The following PREP variants were observed in gnomAD, a reference collection of about 807,000 sequenced individuals.
PREP encodes the protein dJ355L5.1 (prolyl endopeptidase).
In PREP, 29 loss-of-function variants were observed where a neutral mutation model predicts 87.6. The observed-to-expected ratio is 0.33, with a 90% CI of 0.25 to 0.45. PREP has a LOEUF of 0.45. PREP is among the 20% of genes least tolerant of loss of function. The pLI is 1.00. For missense variants in PREP, 695 were observed against 886.5 expected, an observed-to-expected ratio of 0.78 and a Z score of 2.74; for synonymous variants, 337 against 328.6, an observed-to-expected ratio of 1.03 and a Z score of -0.28.
At chr6:105,367,596 C>T (rs1772419771) in intron 6 of PREP, among the ~76,000 whole-genome samples, 2 of 148,622 alleles carry the variant, frequency 1.3e-5, no homozygotes, top group Non-Finnish European at 1.5e-5. Context: ...GGCGTGAACC[C>T]GGGAGGCAGA....
intron 7 of PREP, among the ~76,000 whole-genome samples, chr6:105,335,664 G>T (rs560556338): frequency 6.6e-6 from 1 of 152,076 alleles, no homozygotes. Flanking sequence ...GGACAAAGCC[G>T]GAAGACCATG....
chr6:105,349,202 A>T (rs908966209), intron 7 of PREP, among the ~76,000 whole-genome samples: 1 of 152,230 alleles, frequency 6.6e-6, no homozygotes, highest in Non-Finnish European at 1.5e-5. Flanking sequence ...TGTGATCCAC[A>T]GCTTGCAACA....
At chr6:105,345,376 CT>C (rs112336861) in intron 7 of PREP, among the ~76,000 whole-genome samples, 48 of 152,092 alleles carry the variant, frequency 3.2e-4, no homozygotes, top group African/African-American at 1.1e-3. Context: ...GTTAAAATTA[CT>C]TTTTATAAAC....
intron 7 of PREP, among the ~76,000 whole-genome samples, chr6:105,341,499 C>A (rs558637984): frequency 1.3e-5 from 2 of 152,070 alleles, no homozygotes; most frequent in Admixed American, 1.3e-4. Flanking sequence ...AGAGCAAACA[C>A]ATTCAAAAGC....
At chr6:105,333,593 T>C in intron 7 of PREP, 88 bp from the exon 8 acceptor site, 1 of 1,299,206 alleles carries the variant, frequency 7.7e-7, no homozygotes, top group Non-Finnish European at 1.1e-6. Flanking sequence ...TGGATCTTTC[T>C]TATCCTCAAA....
chr6:105,383,784 T>C (rs1772913523), intron 2 of PREP, among the ~76,000 whole-genome samples: 1 of 152,150 alleles, frequency 6.6e-6, no homozygotes, highest in Non-Finnish European at 1.5e-5. Flanking sequence ...TTCTCAATAC[T>C]CGTCATGACC....
At chr6:105,322,549 T>G in intron 10 of PREP, 1 of 986,568 alleles carries the variant, frequency 1.0e-6, no homozygotes, top group Non-Finnish European at 1.2e-6. Context: ...TTTACATAGA[T>G]GAAGATTCTG....
chr6:105,276,569 A>G lies in PREP; in HGVS notation c.*1575T>C, dbSNP rs1296020137. Reference sequence around the variant, plus strand: ...AGTTACACCAAAGCTAGCTAGTATCAGTATCTGAGTAGATGGTGATGACGA... The same window carrying G: ...AGTTACACCAAAGCTAGCTAGTATCGGTATCTGAGTAGATGGTGATGACGA... On this transcript the variant is annotated 3_prime_UTR_variant, in exon 15 of 15. Transcript: ENST00000652536. Among the ~76,000 whole-genome samples, 1 of 152,226 alleles carries G rather than the reference A, an allele frequency of 6.6e-6. No individual in the cohort carries two copies. Among genetic ancestry groups the G allele is most frequent in the Non-Finnish European group, 1.5e-5 (1 of 68,042 alleles).
At chr6:105,370,265 G>A (rs2114705089) in intron 5 of PREP, among the ~76,000 whole-genome samples, 1 of 147,234 alleles carries the variant, frequency 6.8e-6, no homozygotes, top group Non-Finnish European at 1.5e-5. Flanking sequence ...AGCTGGGCGT[G>A]GCGCTAACTA....
intron 8 of PREP, among the ~76,000 whole-genome samples, chr6:105,331,355 T>G (rs1771329968): frequency 6.6e-6 from 1 of 152,204 alleles, no homozygotes; most frequent in Non-Finnish European, 1.5e-5. Context: ...TTTCATTACA[T>G]CTATAAGATG....
rs929660496 is a variant in PREP, at chr6:105,281,618, C to T, written c.1838+128G>A. ...GAAAGACAAGTAGGTAGTCCCATCTCCTCTCCAGCAGATTATATGCAAATG... is the reference window on the plus strand; with the variant it reads ...GAAAGACAAGTAGGTAGTCCCATCTTCTCTCCAGCAGATTATATGCAAATG... On this transcript the variant is annotated intron_variant, in intron 14 of 14. Coordinates refer to ENST00000652536, the MANE Select transcript of PREP (RefSeq NM_002726.5). 2.2e-5 allele frequency: 26 copies of T among 1,157,306 alleles called. No homozygotes were observed. In the South Asian group the frequency reaches 4.4e-4, roughly 19 times the overall value. The allele number at this position is 1,157,306 out of a possible 1,614,324, so 71.7% of individuals were successfully genotyped here.
At chr6:105,285,417 C>A in intron 12 of PREP, 69 bp downstream of exon 12, 1 of 1,488,672 alleles carries the variant, frequency 6.7e-7, no homozygotes, top group Non-Finnish European at 9.4e-7. Context: ...CTCATTCAAA[C>A]AGGAAGGATC....
intron 2 of PREP, among the ~76,000 whole-genome samples, chr6:105,396,786 T>G (rs957001511): frequency 6.6e-6 from 1 of 152,108 alleles, no homozygotes; most frequent in African/African-American, 2.4e-5. Context: ...AAATATGTAC[T>G]AAGTATTATG....
intron 7 of PREP, among the ~76,000 whole-genome samples, chr6:105,339,374 T>C (rs1237363018): frequency 1.3e-5 from 2 of 152,060 alleles, no homozygotes; most frequent in African/African-American, 4.8e-5. Flanking sequence ...CAAAACCCCA[T>C]CTGTACGTCA....
chr6:105,336,326 TG>T (rs1771477109), intron 7 of PREP, among the ~76,000 whole-genome samples: 2 of 152,240 alleles, frequency 1.3e-5, no homozygotes, highest in African/African-American at 4.8e-5. Context: ...CTGAAGTTGT[TG>T]GGTGTCAATA....
chr6:105,366,386 A>C (rs1772383637), intron 6 of PREP, among the ~76,000 whole-genome samples: 1 of 152,246 alleles, frequency 6.6e-6, no homozygotes, highest in African/African-American at 2.4e-5. Flanking sequence ...CAGACCCAGC[A>C]GGCAGTTCCA....
intron 8 of PREP, 25 bp from the exon 9 acceptor site, chr6:105,329,051 C>T: frequency 1.3e-6 from 2 of 1,590,350 alleles, no homozygotes; most frequent in Non-Finnish European, 1.7e-6. Flanking sequence ...AGAGAAAAAA[C>T]CTAATGCAAT....
Position 105,375,935 on chromosome 6 carries a change from G to C in PREP, c.385+190C>G, listed in dbSNP as rs554401315. ...TGCTTCATGCCATCAGAGTGGAAAA[G>C]AGGAATGTGACTATTCATGTATTCT... On this transcript the variant is annotated intron_variant, in intron 4 of 14. Transcript: ENST00000652536. Among the ~76,000 whole-genome samples, 4 of 152,344 alleles carry C rather than the reference G, an allele frequency of 2.6e-5. No homozygotes were observed. The South Asian group carries it at 8.3e-4, about 32-fold the overall frequency.
intron 3 of PREP, 135 bp downstream of exon 3, chr6:105,377,251 T>C: frequency 9.8e-7 from 1 of 1,019,382 alleles, no homozygotes; most frequent in Non-Finnish European, 1.4e-6. Context: ...ATTACTCTCA[T>C]ATTCAGGCAT....
Sources: gnomAD v4.1 joint callset for allele counts (sites outside exome capture counted in the v4.1 genomes callset) on GRCh38, gnomAD v4.1.1 for gene constraint, MANE v1.5 for transcripts, NCBI Gene and HGNC (gene_info 2026-07-23, HGNC 2026-07-21) for gene names.